LRP1B: variants seen among roughly 807,000 people sequenced by gnomAD.
LRP1B encodes the protein LDL receptor related protein 1B, also known as low-density lipoprotein receptor-related protein 1B.
In LRP1B, 217 loss-of-function variants were observed where a neutral mutation model predicts 556.6. That is an observed-to-expected ratio of 0.39 (90% CI 0.35 to 0.44). The LOEUF (loss-of-function observed/expected upper bound fraction) is 0.44, where lower values mean the gene tolerates loss of function less well. Ranked by LOEUF, LRP1B falls within the 20% of genes least tolerant of loss-of-function variation. LRP1B has a pLI of 1.00. For missense variants in LRP1B, 5,053 were observed against 5,620.8 expected (o/e 0.90, Z 3.23); for synonymous variants, 2,047 against 1,865.8 (o/e 1.10, Z -2.50).
chr2:142,007,951 C>A lies in LRP1B; in HGVS notation c.82+122697G>T, dbSNP rs116969692. 2.1e-4 allele frequency among the ~76,000 whole-genome samples: 32 copies of A among 152,186 alleles called. 1 individual carries two copies. In the East Asian group the frequency reaches 6.2e-3, roughly 29 times the overall value. ...GAGAGTTAAACGGTATTTGTATAATCCAGAGTCACCTACACCCTAGTAAGG... is the reference window on the plus strand; with the variant it reads ...GAGAGTTAAACGGTATTTGTATAATACAGAGTCACCTACACCCTAGTAAGG... On this transcript the variant is annotated intron_variant, in intron 1 of 90. Coordinates refer to ENST00000389484, the MANE Select transcript of LRP1B (RefSeq NM_018557.3).
At chr2:141,881,165 TA>T (rs1323264022) in intron 1 of LRP1B, among the ~76,000 whole-genome samples, 4 of 151,788 alleles carry the variant, frequency 2.6e-5, no homozygotes, top group Admixed American at 2.0e-4. Context: ...AAAAAGAAAA[TA>T]AATATAATTA....
chr2:140,737,024 GCTGTTTAACATCTACAACA>G (rs1240880054), intron 35 of LRP1B, among the ~76,000 whole-genome samples: 1 of 152,158 alleles, frequency 6.6e-6, no homozygotes, highest in Admixed American at 6.6e-5. Flanking sequence ...AAACAAGAGT[GCTGTTTAACATCTACAACA>G]CCCACCCTCC....
chr2:140,375,661 C>A (rs1475675709), intron 68 of LRP1B, among the ~76,000 whole-genome samples: 3 of 151,904 alleles, frequency 2.0e-5, no homozygotes, highest in Non-Finnish European at 4.4e-5. Context: ...TTTGAACCAC[C>A]CTACATGTTT....
chr2:141,009,652 T>C (rs1697683508), intron 14 of LRP1B, among the ~76,000 whole-genome samples: 1 of 151,968 alleles, frequency 6.6e-6, no homozygotes, highest in Non-Finnish European at 1.5e-5. Flanking sequence ...ATACATTAAA[T>C]AAAAACTGCT....
intron 77 of LRP1B, among the ~76,000 whole-genome samples, chr2:140,340,664 TAAAAA>T (rs34224956): frequency 1.4e-5 from 2 of 147,206 alleles, no homozygotes; most frequent in African/African-American, 2.5e-5. Flanking sequence ...AAGTTAAAAT[TAAAAA>T]AAAAAATAAG....
intron 66 of LRP1B, among the ~76,000 whole-genome samples, chr2:140,396,016 TC>T (rs2105218877): frequency 6.6e-6 from 1 of 152,310 alleles, no homozygotes; most frequent in East Asian, 1.9e-4. Context: ...GCTATTCCAT[TC>T]ATCGTTCTCT....
chr2:141,341,345 T>A (rs550097963), intron 3 of LRP1B, among the ~76,000 whole-genome samples: 10 of 152,170 alleles, frequency 6.6e-5, no homozygotes, highest in Non-Finnish European at 1.2e-4. Flanking sequence ...TATCTTGAAC[T>A]GTTTAAAAAC....
At position 140,990,851 on chromosome 2, in the gene LRP1B, T is replaced by A. The variant is rs1387530962; in HGVS notation, c.2645-1194A>T. Among the ~76,000 whole-genome samples the A allele has an allele frequency of 5.9e-5, 9 of 152,146 alleles. No individual in the cohort carries two copies. In the East Asian group the frequency reaches 1.7e-3, roughly 29 times the overall value. On this transcript the variant is annotated intron_variant, in intron 16 of 90. Coordinates refer to ENST00000389484, the MANE Select transcript of LRP1B (RefSeq NM_018557.3). ...TTTCTTTATGCCCAGTAGTTACACT[T>A]CGTATGATAAAAACAAATGTTTATA...
intron 31 of LRP1B, among the ~76,000 whole-genome samples, chr2:140,834,776 A>G (rs1333644326): frequency 6.6e-6 from 1 of 152,176 alleles, no homozygotes; most frequent in Non-Finnish European, 1.5e-5. Flanking sequence ...TAATTTGAAT[A>G]CTTTTATTAA....
chr2:141,682,217 A>G (rs1691130175), intron 2 of LRP1B, among the ~76,000 whole-genome samples: 2 of 152,136 alleles, frequency 1.3e-5, no homozygotes, highest in Admixed American at 6.6e-5. Context: ...GAAAAAGAAA[A>G]TGCAATAGTA....
chr2:140,402,943 G>A (rs184189619), intron 66 of LRP1B, among the ~76,000 whole-genome samples: 3 of 152,282 alleles, frequency 2.0e-5, no homozygotes, highest in African/African-American at 2.4e-5. Flanking sequence ...CCTTAGGAGA[G>A]GGTGTACTTG....
intron 11 of LRP1B, among the ~76,000 whole-genome samples, chr2:141,040,779 G>A (rs1369111990): frequency 6.6e-6 from 1 of 152,074 alleles, no homozygotes; most frequent in Admixed American, 6.6e-5. Flanking sequence ...TGAAGATGCT[G>A]GGGACAGGAC....
intron 7 of LRP1B, among the ~76,000 whole-genome samples, chr2:141,126,995 T>G (rs1701230463): frequency 6.6e-6 from 1 of 152,162 alleles, no homozygotes; most frequent in African/African-American, 2.4e-5. Context: ...TTTCTCCTAA[T>G]GCTATCCCTC....
intron 2 of LRP1B, among the ~76,000 whole-genome samples, chr2:141,722,310 G>A (rs1200178829): frequency 6.6e-6 from 1 of 152,118 alleles, no homozygotes; most frequent in Non-Finnish European, 1.5e-5. Flanking sequence ...CCTGGGAGGT[G>A]GAGGTTGCAG....
chr2:140,389,485 T>A (rs1291791075), intron 66 of LRP1B, among the ~76,000 whole-genome samples: 1 of 151,138 alleles, frequency 6.6e-6, no homozygotes, highest in Non-Finnish European at 1.5e-5. Context: ...TTAATTATAT[T>A]TTTATATGTT....
intron 5 of LRP1B, among the ~76,000 whole-genome samples, chr2:141,236,151 T>G (rs1408854659): frequency 1.3e-5 from 2 of 152,112 alleles, no homozygotes; most frequent in Non-Finnish European, 2.9e-5. Context: ...GTTTTTGCTT[T>G]TATTTGGGGG....
chr2:141,365,304 C>G (rs1473290086), intron 3 of LRP1B, among the ~76,000 whole-genome samples: 1 of 152,092 alleles, frequency 6.6e-6, no homozygotes, highest in Non-Finnish European at 1.5e-5. Flanking sequence ...CTCAAGTGAT[C>G]CTCCCACTTC....
intron 53 of LRP1B, 123 bp from the exon 54 acceptor site, chr2:140,503,226 C>A: frequency 1.1e-6 from 1 of 873,142 alleles, no homozygotes. Context: ...AGAAATATTT[C>A]TCATTTCTTT....
intron 7 of LRP1B, among the ~76,000 whole-genome samples, chr2:141,158,984 T>C (rs995263148): frequency 6.6e-6 from 1 of 152,296 alleles, no homozygotes; most frequent in African/African-American, 2.4e-5. Flanking sequence ...GTCATAAGAT[T>C]CTAGAAGTAT....
Sources: allele counts gnomAD v4.1 joint callset (sites outside exome capture counted in the v4.1 genomes callset), GRCh38; gene constraint gnomAD v4.1.1; transcripts MANE v1.5; gene names NCBI Gene and HGNC (gene_info 2026-07-23, HGNC 2026-07-21).